ZWILCH: variants seen among roughly 807,000 people sequenced by gnomAD.
ZWILCH encodes zwilch kinetochore protein, also known as protein zwilch homolog.
In ZWILCH, 74 loss-of-function variants were observed where a neutral mutation model predicts 79.9. The ratio of observed to expected loss-of-function variants is 0.93; its 90% CI spans 0.77 to 1.12. The LOEUF (loss-of-function observed/expected upper bound fraction) is 1.12. Ranked by LOEUF, ZWILCH falls within the 50% of genes most tolerant of loss-of-function variation. The probability of loss-of-function intolerance (pLI) is 0.00; values close to 1 mark genes in which losing one functional copy is unlikely to be tolerated. For missense variants in ZWILCH, 694 were observed against 687.5 expected, an observed-to-expected ratio of 1.01 and a Z score of -0.11; for synonymous variants, 241 against 228.2, an observed-to-expected ratio of 1.06 and a Z score of -0.51.
chr15:66,512,821 A>C (rs1595904235), intron 2 of ZWILCH, among the ~76,000 whole-genome samples: 1 of 152,200 alleles, frequency 6.6e-6, no homozygotes, highest in Middle Eastern at 3.4e-3. Flanking sequence ...TTTAAGATGG[A>C]GTCTTGCTCT....
intron 8 of ZWILCH, among the ~76,000 whole-genome samples, chr15:66,526,642 A>G (rs1302768623): frequency 6.6e-6 from 1 of 151,424 alleles, no homozygotes; most frequent in Non-Finnish European, 1.5e-5. Flanking sequence ...TTGTATTTTT[A>G]TAGTAGAGAC....
rs1894643952 is a variant in ZWILCH, at chr15:66,525,667, T to C, written c.820-1623T>C. Among the ~76,000 whole-genome samples, 4 of 152,220 alleles carry C rather than the reference T, an allele frequency of 2.6e-5. No homozygotes were observed. In the South Asian group the frequency reaches 8.3e-4, roughly 32 times the overall value. On this transcript the variant is annotated intron_variant, in intron 8 of 18. Coordinates refer to ENST00000307897, the MANE Select transcript of ZWILCH (RefSeq NM_017975.5). ...ACCATGGTACACACACCAAGATGTT[T>C]AACATCCCTGGCCCCCACCAAACTC...
intron 2 of ZWILCH, among the ~76,000 whole-genome samples, chr15:66,511,597 T>C (rs1192929243): frequency 6.6e-6 from 1 of 151,532 alleles, no homozygotes; most frequent in African/African-American, 2.4e-5. Flanking sequence ...ATGGTAAAAA[T>C]AAACAATGAA....
intron 3 of ZWILCH, chr15:66,514,321 T>C: frequency 4.2e-6 from 1 of 239,244 alleles, no homozygotes; most frequent in South Asian, 5.4e-5. Flanking sequence ...TTTTTTTTTT[T>C]TTGAGATGGA....
intron 2 of ZWILCH, among the ~76,000 whole-genome samples, chr15:66,511,858 G>A (rs148982784): frequency 0.052 from 7,929 of 151,992 alleles, 674 homozygotes; most frequent in African/African-American, 0.18. Context: ...CAGGTGATCC[G>A]TCTGCCTCGG....
At chr15:66,521,345 C>T in intron 7 of ZWILCH, 140 bp downstream of exon 7, 3 of 926,312 alleles carry the variant, frequency 3.2e-6, no homozygotes, top group Non-Finnish European at 4.9e-6. Context: ...CCCACCTTGC[C>T]ACTAACGTCT....
At position 66,520,656 on chromosome 15, in the gene ZWILCH, CTACTG is replaced by C. The variant is rs1567044205; in HGVS notation, c.590_591+3del. 2 of 1,552,722 alleles carry C rather than the reference CTACTG, an allele frequency of 1.3e-6. No individual in the cohort carries two copies. Among genetic ancestry groups the C allele is most frequent in the South Asian group, 2.3e-5 (2 of 87,746 alleles). On this transcript the variant is annotated splice_donor_variant and coding_sequence_variant, in exon 6 of 19. Coordinates refer to ENST00000307897, the MANE Select transcript of ZWILCH (RefSeq NM_017975.5). LOFTEE classifies it high-confidence loss of function. ...TTACACAAGAAAAGACATCACTTGT[CTACTG>C]TAAGTGTTTTGCTTCTACTCATATT...
At position 66,517,430 on chromosome 15, in the gene ZWILCH, G is replaced by GTGTGTGTGTGTGTATATATATA; in HGVS notation, c.321-1448_321-1447insGTGTGTGTGTGTATATATATAT. 3.6e-4 allele frequency among the ~76,000 whole-genome samples: 24 copies of GTGTGTGTGTGTGTATATATATA among 66,512 alleles called. No individual in the cohort carries two copies. In the East Asian group the frequency reaches 3.7e-3, roughly 10 times the overall value. The allele number at this position is 66,512 out of a possible 152,430, so 43.6% of individuals were successfully genotyped here. A position where few individuals can be genotyped will look rare whatever the true frequency, so the allele number is the denominator to read the frequency against. ...TGTTTGTGTGTGCGTGTGTGTGTGTGTATATATATATATATATATATATAT... is the reference window on the plus strand; with the variant it reads ...TGTTTGTGTGTGCGTGTGTGTGTGTGTGTGTGTGTGTGTATATATATATATATATATATATATATATATATAT... On this transcript the variant is annotated intron_variant, in intron 4 of 18. Coordinates refer to ENST00000307897, the MANE Select transcript of ZWILCH (RefSeq NM_017975.5).
At chr15:66,546,408 A>G (rs1412260591) in intron 17 of ZWILCH, among the ~76,000 whole-genome samples, 183 bp from the exon 18 acceptor site, 1 of 152,240 alleles carries the variant, frequency 6.6e-6, no homozygotes, top group East Asian at 1.9e-4. Context: ...TAAATGCATC[A>G]AGAGTTTCAT....
intron 2 of ZWILCH, among the ~76,000 whole-genome samples, chr15:66,510,211 AATAAAATAAAAT>A (rs1262320749): frequency 1.2e-3 from 175 of 147,994 alleles, no homozygotes; most frequent in Non-Finnish European, 2.0e-3. Flanking sequence ...AAATAAATAA[AATAAAATAAAAT>A]ATAAAATAAA....
intron 12 of ZWILCH, among the ~76,000 whole-genome samples, chr15:66,530,460 A>G (rs915714990): frequency 6.6e-6 from 1 of 151,912 alleles, no homozygotes; most frequent in Non-Finnish European, 1.5e-5. Flanking sequence ...ATATGGTAAA[A>G]CCCTGCCTCT....
At chr15:66,540,267 TCTGGCTGGG>T in intron 17 of ZWILCH, 57 bp downstream of exon 17, 1 of 1,449,356 alleles carries the variant, frequency 6.9e-7, no homozygotes, top group Non-Finnish European at 9.6e-7. Flanking sequence ...ATAAACTAAG[TCTGGCTGGG>T]CACAGCGGCT....
chr15:66,527,254 G>A, intron 8 of ZWILCH, 36 bp from the exon 9 acceptor site: 1 of 1,461,242 alleles, frequency 6.8e-7, no homozygotes, highest in Non-Finnish European at 9.6e-7. Flanking sequence ...AGTGTTTTCT[G>A]CTAACAAGTT....
chr15:66,520,974 T>G, intron 6 of ZWILCH, 76 bp from the exon 7 acceptor site: 1 of 1,508,266 alleles, frequency 6.6e-7, no homozygotes, highest in Non-Finnish European at 9.0e-7. Flanking sequence ...GGGACAAGGA[T>G]CAAAATAATT....
intron 12 of ZWILCH, 104 bp downstream of exon 12, chr15:66,529,677 A>G: frequency 3.6e-6 from 3 of 843,382 alleles, no homozygotes; most frequent in Admixed American, 2.3e-5. Flanking sequence ...CAGCTCTGCT[A>G]CTTTCTAGCT....
intron 5 of ZWILCH, 138 bp from the exon 6 acceptor site, chr15:66,520,452 T>C (rs1030263107): frequency 3.9e-5 from 25 of 638,444 alleles, no homozygotes; most frequent in African/African-American, 9.3e-5. Flanking sequence ...ATTTCACTTA[T>C]CTGTGATTTA....
intron 12 of ZWILCH, 42 bp from the exon 13 acceptor site, chr15:66,532,205 A>G: frequency 2.1e-6 from 3 of 1,457,302 alleles, no homozygotes; most frequent in Non-Finnish European, 2.8e-6. Flanking sequence ...GGGTTTATTT[A>G]TATATTTATT....
chr15:66,535,675 C>CAA (rs35287244), intron 14 of ZWILCH, among the ~76,000 whole-genome samples: 12 of 103,642 alleles, frequency 1.2e-4, no homozygotes, highest in Non-Finnish European at 1.0e-4. Context: ...GACCCTGTCT[C>CAA]AAAAAAAAAA....
At chr15:66,540,318 G>T in intron 17 of ZWILCH, 108 bp downstream of exon 17, 1 of 782,762 alleles carries the variant, frequency 1.3e-6, no homozygotes, top group Non-Finnish European at 2.0e-6. Context: ...TTGGGAGGCC[G>T]GGGTGGGCAG....
Sources: gnomAD v4.1 joint callset for allele counts (sites outside exome capture counted in the v4.1 genomes callset) on GRCh38, gnomAD v4.1.1 for gene constraint, MANE v1.5 for transcripts, NCBI Gene and HGNC (gene_info 2026-07-23, HGNC 2026-07-21) for gene names.